The following ACYP2 variants were observed in gnomAD, a reference collection of about 807,000 sequenced individuals.
The protein encoded by ACYP2 is acylphosphatase 2.
In ACYP2, 12 loss-of-function variants were observed where a neutral mutation model predicts 11.2. The observed-to-expected ratio is 1.08, with a 90% confidence interval of 0.69 to 1.74. The LOEUF is 1.74. Among genes scored for constraint, ACYP2 ranks in the 40% most tolerant of loss-of-function variants. The pLI is 0.00. For missense variants in ACYP2, 134 were observed against 101.9 expected (o/e 1.31, Z -1.35); for synonymous variants, 43 against 32.2 (o/e 1.33, Z -1.13).
chr2:54,148,427 C>A (rs1681997955), intron 6 of ACYP2, among the ~76,000 whole-genome samples: 2 of 152,116 alleles, frequency 1.3e-5, no homozygotes, highest in Non-Finnish European at 2.9e-5. Flanking sequence ...GCGAGAAAAT[C>A]CATATGAAGC....
At chr2:54,138,945 G>A (rs184370097) in intron 6 of ACYP2, among the ~76,000 whole-genome samples, 197 bp downstream of exon 3, 2 of 151,620 alleles carry the variant, frequency 1.3e-5, no homozygotes, top group Admixed American at 6.6e-5. Context: ...GTGAGCCACC[G>A]TGCCTGGCCT....
At chr2:54,056,287 G>A (rs1346955417) in intron 3 of ACYP2, among the ~76,000 whole-genome samples, 1 of 152,142 alleles carries the variant, frequency 6.6e-6, no homozygotes, top group Non-Finnish European at 1.5e-5. Flanking sequence ...CACCATTCAC[G>A]GCCTGGTGAC....
rs148051365 is a variant in ACYP2, at chr2:54,274,324, G to C, written c.405-30364G>C. Among the ~76,000 whole-genome samples the C allele has an allele frequency of 2.2e-3, 337 of 152,170 alleles. 1 individual carries two copies. The highest frequency in any genetic ancestry group is 7.6e-3 in the African/African-American group (317 of 41,506). On this transcript the variant is annotated intron_variant, in intron 6 of 6. Transcript: ENST00000607452. ...TCACCTCCCACCAGGTTCCTCCTAT[G>C]ACACATGAGAGTTGTGGAGATGAGA... is the stretch of plus-strand genomic sequence containing the variant.
intron 4 of ACYP2, among the ~76,000 whole-genome samples, chr2:54,129,415 A>T (rs1247819109): frequency 1.3e-5 from 2 of 152,060 alleles, no homozygotes; most frequent in Non-Finnish European, 2.9e-5. Context: ...TTACAGGTGT[A>T]AGTCACCACA....
At chr2:54,176,174 A>T (rs1403885756) in intron 6 of ACYP2, among the ~76,000 whole-genome samples, 2 of 152,154 alleles carry the variant, frequency 1.3e-5, no homozygotes, top group Non-Finnish European at 2.9e-5. Flanking sequence ...ACATCCCCCT[A>T]GCATAAGGAC....
At chr2:53,983,271 C>A (rs1255705485) in intron 2 of ACYP2, among the ~76,000 whole-genome samples, 1 of 152,066 alleles carries the variant, frequency 6.6e-6, no homozygotes, top group African/African-American at 2.4e-5. Flanking sequence ...TTTGGTAGAC[C>A]AAGGTAGGAG....
At chr2:54,177,492 A>T (rs1334919761) in intron 6 of ACYP2, among the ~76,000 whole-genome samples, 2 of 151,630 alleles carry the variant, frequency 1.3e-5, no homozygotes, top group Non-Finnish European at 2.9e-5. Flanking sequence ...ATCCTTGCCC[A>T]CACCTTGCAA....
chr2:54,294,554 A>C (rs1159313760), intron 6 of ACYP2, among the ~76,000 whole-genome samples: 3 of 152,006 alleles, frequency 2.0e-5, no homozygotes, highest in Non-Finnish European at 4.4e-5. Flanking sequence ...GAAAAACTTC[A>C]CTTGTCTACC....
chr2:53,999,078 A>C (rs1253720680), intron 2 of ACYP2, among the ~76,000 whole-genome samples: 1 of 152,170 alleles, frequency 6.6e-6, no homozygotes, highest in Non-Finnish European at 1.5e-5. Context: ...GGAAATACAA[A>C]AAAGGATGTG....
At chr2:54,133,182 C>T (rs1572830686) in intron 4 of ACYP2, among the ~76,000 whole-genome samples, 1 of 152,240 alleles carries the variant, frequency 6.6e-6, no homozygotes, top group Non-Finnish European at 1.5e-5. Context: ...AACTGACAAT[C>T]AGTTTTCTGT....
At chr2:54,159,352 G>C (rs1483781646) in intron 6 of ACYP2, among the ~76,000 whole-genome samples, 4 of 149,840 alleles carry the variant, frequency 2.7e-5, no homozygotes, top group African/African-American at 9.9e-5. Context: ...GCTTATATTG[G>C]ATTATGACTT....
intron 6 of ACYP2, among the ~76,000 whole-genome samples, chr2:54,295,618 C>T (rs983378868): frequency 3.3e-5 from 5 of 151,824 alleles, no homozygotes; most frequent in Admixed American, 2.0e-4. Context: ...TCTTCGGGGT[C>T]GGGGGGTATT....
chr2:54,015,615 C>G (rs1302607694), intron 2 of ACYP2, among the ~76,000 whole-genome samples: 1 of 150,820 alleles, frequency 6.6e-6, no homozygotes, highest in Non-Finnish European at 1.5e-5. Flanking sequence ...TGCCACTGCA[C>G]TCCAGCCTGG....
At chr2:54,118,042 G>A (rs1405484472) in intron 4 of ACYP2, among the ~76,000 whole-genome samples, 3 of 152,148 alleles carry the variant, frequency 2.0e-5, no homozygotes, top group Non-Finnish European at 4.4e-5. Flanking sequence ...CCATTCATGA[G>A]TTACTTCACT....
chr2:54,041,800 T>C (rs1675244053), intron 2 of ACYP2, among the ~76,000 whole-genome samples: 1 of 151,804 alleles, frequency 6.6e-6, no homozygotes, highest in African/African-American at 2.4e-5. Context: ...AATGCATTTT[T>C]TTCTTTTTAG....
intron 6 of ACYP2, among the ~76,000 whole-genome samples, chr2:54,175,446 G>A (rs1367609133): frequency 7.2e-5 from 11 of 151,794 alleles, no homozygotes; most frequent in South Asian, 2.1e-4. Flanking sequence ...TCTTGCTAGC[G>A]GTCTATCAAT....
At chr2:54,143,494 T>C (rs369349479) in intron 6 of ACYP2, among the ~76,000 whole-genome samples, 152 of 152,146 alleles carry the variant, frequency 1.0e-3, no homozygotes, top group African/African-American at 3.3e-3. Context: ...AGTGCAATGG[T>C]ACGATCTTGG....
chr2:54,080,787 C>A (rs1300469148), intron 4 of ACYP2, among the ~76,000 whole-genome samples: 1 of 151,760 alleles, frequency 6.6e-6, no homozygotes, highest in Non-Finnish European at 1.5e-5. Flanking sequence ...CGTGCCCTGC[C>A]TCTTTTTTTT....
At chr2:54,105,433 C>A (rs1000856877) in intron 4 of ACYP2, among the ~76,000 whole-genome samples, 2 of 152,054 alleles carry the variant, frequency 1.3e-5, no homozygotes, top group East Asian at 3.8e-4. Flanking sequence ...TCCCAGACAA[C>A]CTCTCTAAGC....
Sources: allele counts gnomAD v4.1 joint callset (sites outside exome capture counted in the v4.1 genomes callset), GRCh38; gene constraint gnomAD v4.1.1; transcripts MANE v1.5; gene names NCBI Gene and HGNC (gene_info 2026-07-23, HGNC 2026-07-21).